Variants in NOMO2 observed in about 807,000 individuals in gnomAD.
NOMO2 encodes the protein NODAL modulator 2.
NOMO2 carries 14 observed loss-of-function variants against 67.1 expected under a neutral mutation model. The observed-to-expected ratio is 0.21, with a 90% CI of 0.14 to 0.33. NOMO2 has a LOEUF of 0.33. Ranked by LOEUF, NOMO2 falls within the 10% of genes least tolerant of loss-of-function variation. NOMO2 has a pLI of 1.00. For synonymous variants in NOMO2, 80 were observed against 305.9 expected (o/e 0.26, Z 7.71); for missense variants, 178 against 761.0 (o/e 0.23, Z 9.01).
chr16:18,526,078 C>G lies in NOMO2; in HGVS notation c.1894+1459G>C, dbSNP rs1003288493. Among the ~76,000 whole-genome samples the G allele has an allele frequency of 3.3e-5, 5 of 151,762 alleles. 1 individual carries two copies. Among genetic ancestry groups the G allele is most frequent in the African/African-American group, 1.2e-4 (5 of 41,354 alleles). On this transcript the variant is annotated intron_variant, in intron 16 of 30. Coordinates refer to ENST00000622306, the MANE Select transcript of NOMO2 (RefSeq NM_173614.4). Reference sequence around the variant, plus strand: ...ACTGACACCCAGAAGGACAGAGTGGCTGGAGTAGAGACAGTGGCAGACAGG... The same window carrying G: ...ACTGACACCCAGAAGGACAGAGTGGGTGGAGTAGAGACAGTGGCAGACAGG...
chr16:18,560,657 G>A (rs530806286), intron 1 of NOMO2, among the ~76,000 whole-genome samples: 39 of 151,826 alleles, frequency 2.6e-4, no homozygotes, highest in African/African-American at 9.2e-4. Context: ...AGAAGATCAC[G>A]GATCCGCTTG....
At chr16:18,545,769 A>G (rs2141743584) in intron 6 of NOMO2, among the ~76,000 whole-genome samples, 1 of 73,590 alleles carries the variant, frequency 1.4e-5, no homozygotes, top group East Asian at 3.8e-4. Flanking sequence ...AAGAACACTT[A>G]CATACCTTCT....
chr16:18,552,797 G>A (rs1328685746), intron 3 of NOMO2, among the ~76,000 whole-genome samples: 2 of 151,958 alleles, frequency 1.3e-5, no homozygotes, highest in Non-Finnish European at 2.9e-5. Flanking sequence ...AGCTGAGCAT[G>A]TATCAGCTCT....
rs1477721073 is a variant in NOMO2 at position 18,555,498 on chromosome 16, G to A, written c.256-646C>T. ...TGCAGTGAACCATAATTGTGCCCCT[G>A]CACTCCAGCATGGGCAGCGGAGGGA... On this transcript the variant is annotated intron_variant, in intron 2 of 30. Coordinates refer to ENST00000622306, the MANE Select transcript of NOMO2 (RefSeq NM_173614.4). Among the ~76,000 whole-genome samples the A allele has an allele frequency of 1.3e-4, 19 of 149,940 alleles. No homozygotes were observed. In the South Asian group the frequency reaches 3.0e-3, roughly 24 times the overall value.
intron 3 of NOMO2, among the ~76,000 whole-genome samples, chr16:18,553,517 G>A (rs1422557054): frequency 2.0e-5 from 3 of 151,374 alleles, no homozygotes; most frequent in African/African-American, 7.3e-5. Context: ...CCTGGAGGGT[G>A]GGGCGGGATG....
At chr16:18,543,823 TAAC>T in intron 6 of NOMO2, 54 bp from the exon 7 acceptor site, 2 of 1,449,200 alleles carry the variant, frequency 1.4e-6, no homozygotes, top group Non-Finnish European at 1.9e-6. Context: ...GCAAAGTGCC[TAAC>T]AACATGAGGA....
intron 5 of NOMO2, among the ~76,000 whole-genome samples, chr16:18,547,891 TG>T (rs1421419212): frequency 6.7e-6 from 1 of 148,552 alleles, no homozygotes; most frequent in Non-Finnish European, 1.5e-5. Flanking sequence ...CAGCAGCTGA[TG>T]AAAATTACTC....
chr16:18,528,643 C>T (rs1185900418), intron 15 of NOMO2, among the ~76,000 whole-genome samples: 2 of 151,792 alleles, frequency 1.3e-5, no homozygotes, highest in African/African-American at 4.8e-5. Context: ...ACAGCTTCTT[C>T]CCCTGCGCTG....
chr16:18,550,148 A>T (rs1901746756), intron 4 of NOMO2, among the ~76,000 whole-genome samples: 1 of 33,730 alleles, frequency 3.0e-5, no homozygotes, highest in Non-Finnish European at 5.4e-5. Context: ...CGACAGAGGG[A>T]GACTCCATCT....
intron 12 of NOMO2, among the ~76,000 whole-genome samples, chr16:18,531,871 C>A (rs1347243200): frequency 1.3e-5 from 2 of 152,028 alleles, no homozygotes; most frequent in African/African-American, 4.8e-5. Flanking sequence ...CACAGGCCCG[C>A]AACGCGGACA....
intron 1 of NOMO2, among the ~76,000 whole-genome samples, chr16:18,558,003 C>T (rs1443468242): frequency 6.6e-6 from 1 of 151,952 alleles, no homozygotes; most frequent in Non-Finnish European, 1.5e-5. Flanking sequence ...AAACCACCTA[C>T]AGCCTATTAC....
Position 18,562,020 on chromosome 16 carries a change from C to G in NOMO2, c.21G>C (p.Ala7=). Residue 7 remains alanine (A), a synonymous_variant, in exon 1 of 31, where the codon GCG becomes GCC. Coordinates refer to ENST00000622306, the MANE Select transcript of NOMO2 (RefSeq NM_173614.4). MLVGQG[A]GLLGPAVVTA... is the part of the protein sequence containing the mutation. ...TGACCACCGCGGGCCCCAGCAGCCC[C>G]GCGCCCTGGCCCACCAGCATGGCCC... 6.5e-7 allele frequency: 1 copy of G among 1,531,758 alleles called. No individual in the cohort carries two copies. The highest frequency in any genetic ancestry group is 8.8e-7 in the Non-Finnish European group (1 of 1,141,322). The allele number at this position is 1,531,758 out of a possible 1,614,324, so 94.9% of individuals were successfully genotyped here. A position where few individuals can be genotyped will look rare whatever the true frequency, so the allele number is the denominator to read the frequency against.
chr16:18,529,782 A>G (rs916488418), intron 14 of NOMO2, 145 bp from the exon 15 acceptor site: 6 of 614,884 alleles, frequency 9.8e-6, no homozygotes, highest in African/African-American at 3.7e-5. Context: ...ACACATACAT[A>G]TATTTATAAC....
chr16:18,561,198 A>AAAC (rs1596865861), intron 1 of NOMO2, among the ~76,000 whole-genome samples: 3 of 134,428 alleles, frequency 2.2e-5, no homozygotes, highest in Non-Finnish European at 3.3e-5. Context: ...AAAAAAAAAA[A>AAAC]AAAAAAAAAC....
intron 15 of NOMO2, among the ~76,000 whole-genome samples, chr16:18,528,222 G>A: frequency 6.7e-6 from 1 of 150,008 alleles, no homozygotes; most frequent in Non-Finnish European, 1.5e-5. Flanking sequence ...GGCGAGTGAG[G>A]GGACAGTGGG....
chr16:18,550,159 T>TAAAA (rs550548864), intron 4 of NOMO2, among the ~76,000 whole-genome samples: 5 of 8,972 alleles, frequency 5.6e-4, no homozygotes, highest in Admixed American at 2.1e-3. Flanking sequence ...GACTCCATCT[T>TAAAA]AAAAAAAAAA....
intron 7 of NOMO2, among the ~76,000 whole-genome samples, chr16:18,543,240 G>A (rs1356201697): frequency 2.7e-5 from 4 of 146,684 alleles, no homozygotes; most frequent in South Asian, 4.5e-4. Flanking sequence ...GTGCAGTGGC[G>A]TGATCTTGGC....
At chr16:18,551,084 G>A in intron 4 of NOMO2, among the ~76,000 whole-genome samples, 1 of 151,710 alleles carries the variant, frequency 6.6e-6, no homozygotes. Flanking sequence ...TGAGGCAGGA[G>A]AATCACTTGA....
In NOMO2 at chr16:18,559,497, A is replaced by G. The variant is rs183578583; in HGVS notation, c.166-1706T>C. Among the ~76,000 whole-genome samples, 764 of 152,124 alleles carry G rather than the reference A, an allele frequency of 5.0e-3. 13 individuals are homozygous for G. The highest frequency in any genetic ancestry group is 0.017 in the African/African-American group (722 of 41,496). On this transcript the variant is annotated intron_variant, in intron 1 of 30. Coordinates refer to ENST00000622306, the MANE Select transcript of NOMO2 (RefSeq NM_173614.4). ...AAAGTGACTAACTCATAAAACGAAC[A>G]TTTGAACATTTGGGAAAGGACTCGT...
Sources: gnomAD v4.1 joint callset for allele counts (sites outside exome capture counted in the v4.1 genomes callset) on GRCh38, gnomAD v4.1.1 for gene constraint, MANE v1.5 for transcripts, NCBI Gene and HGNC (gene_info 2026-07-23, HGNC 2026-07-21) for gene names.